Variants in STAM2 observed in about 807,000 individuals in gnomAD.
STAM2 encodes signal transducing adaptor molecule 2, also known as signal transducing adapter molecule 2.
In STAM2, 51 loss-of-function variants were observed where a neutral mutation model predicts 65.6. The observed-to-expected ratio is 0.78, with a 90% CI of 0.62 to 0.98. STAM2 has a LOEUF of 0.98. STAM2 is among the 50% of genes least tolerant of loss of function. The pLI is 0.00. For synonymous variants in STAM2, 198 were observed against 208.4 expected, an observed-to-expected ratio of 0.95 and a Z score of 0.43; for missense variants, 584 against 617.8, an observed-to-expected ratio of 0.95 and a Z score of 0.58.
At chr2:152,125,250 C>T (rs1365731786) in intron 12 of STAM2, among the ~76,000 whole-genome samples, 4 of 152,112 alleles carry the variant, frequency 2.6e-5, no homozygotes, top group African/African-American at 7.2e-5. Flanking sequence ...AAAATCTTTC[C>T]TACCCTCCTA....
At chr2:152,175,499 C>A in intron 1 of STAM2, 104 bp downstream of exon 1, 1 of 1,482,542 alleles carries the variant, frequency 6.7e-7, no homozygotes, top group Non-Finnish European at 9.3e-7. Flanking sequence ...CCTCCCTTCG[C>A]TTTGCTTCCT....
At chr2:152,169,769 T>C (rs976535271) in intron 1 of STAM2, among the ~76,000 whole-genome samples, 20 of 152,218 alleles carry the variant, frequency 1.3e-4, no homozygotes, top group Middle Eastern at 3.4e-3. Context: ...TGCTCAGCAT[T>C]AGTGAGGATG....
intron 8 of STAM2, 107 bp downstream of exon 8, chr2:152,135,401 AT>A (rs3835745): frequency 0.14 from 112,331 of 793,326 alleles, 14,213 homozygotes; most frequent in East Asian, 0.6. Flanking sequence ...TAAAGAAATG[AT>A]TTAAAACAAA....
At chr2:152,146,559 T>C (rs1689340760) in intron 5 of STAM2, among the ~76,000 whole-genome samples, 1 of 152,194 alleles carries the variant, frequency 6.6e-6, no homozygotes, top group South Asian at 2.1e-4. Flanking sequence ...ATCTTGTATG[T>C]GAAGCATTCA....
chr2:152,171,357 GA>G (rs1291901919), intron 1 of STAM2, among the ~76,000 whole-genome samples: 5 of 151,596 alleles, frequency 3.3e-5, no homozygotes, highest in South Asian at 4.2e-4. Context: ...AAATATATTA[GA>G]AAAAAAACTG....
At chr2:152,148,144 T>C in intron 3 of STAM2, 22 bp from the exon 4 acceptor site, 1 of 1,587,712 alleles carries the variant, frequency 6.3e-7, no homozygotes, top group South Asian at 1.2e-5. Flanking sequence ...AATAAAAATA[T>C]ATGAATATTG....
chr2:152,132,266 C>G, intron 10 of STAM2, 98 bp from the exon 11 acceptor site: 1 of 769,434 alleles, frequency 1.3e-6, no homozygotes, highest in South Asian at 1.7e-5. Flanking sequence ...CAACACTATG[C>G]ATAATACACA....
At chr2:152,151,787 C>T (rs557260673) in intron 1 of STAM2, among the ~76,000 whole-genome samples, 7 of 152,178 alleles carry the variant, frequency 4.6e-5, no homozygotes, top group Non-Finnish European at 8.8e-5. Context: ...TTCTGACTGG[C>T]TTCTGTTATT....
intron 11 of STAM2, among the ~76,000 whole-genome samples, chr2:152,130,191 A>G (rs1489677184): frequency 2.0e-5 from 3 of 152,200 alleles, no homozygotes; most frequent in Admixed American, 2.0e-4. Context: ...AGCAGAACCA[A>G]GTTAAAAGCT....
chr2:152,161,958 G>A (rs1338302817), intron 1 of STAM2, among the ~76,000 whole-genome samples: 1 of 152,128 alleles, frequency 6.6e-6, no homozygotes, highest in East Asian at 1.9e-4. Flanking sequence ...GAGTTGCTGG[G>A]ATTACAGGCA....
chr2:152,164,194 C>T (rs1689735844), intron 1 of STAM2, among the ~76,000 whole-genome samples: 3 of 152,156 alleles, frequency 2.0e-5, no homozygotes, highest in Non-Finnish European at 4.4e-5. Flanking sequence ...ATTTCTCAGA[C>T]TGGCCGACAC....
At chr2:152,139,992 G>A (rs561337431) in intron 7 of STAM2, among the ~76,000 whole-genome samples, 47 of 152,168 alleles carry the variant, frequency 3.1e-4, no homozygotes, top group Non-Finnish European at 6.0e-4. Context: ...CAAATATGAC[G>A]CCATTTTATA....
At position 152,118,925 on chromosome 2, in the gene STAM2, C is replaced by T. The variant is rs945431869; in HGVS notation, c.*1649G>A. 6.6e-6 allele frequency: 1 copy of T among 151,942 alleles called. No individual in the cohort carries two copies. Among genetic ancestry groups the T allele is most frequent in the African/African-American group, 2.4e-5 (1 of 41,376 alleles). 9.4% of individuals were successfully genotyped at this position (151,942 alleles called of 1,614,324 possible). A position where few individuals can be genotyped will look rare whatever the true frequency, so the allele number is the denominator to read the frequency against. ...AGCTTTCAAATACTGCTAATTTTTC[C>T]ACTTAAATGTAGATCAAGTACCATA... On this transcript the variant is annotated 3_prime_UTR_variant, in exon 14 of 14. Transcript: ENST00000263904.
chr2:152,140,029 G>C (rs895591494), intron 7 of STAM2, among the ~76,000 whole-genome samples: 1 of 152,072 alleles, frequency 6.6e-6, no homozygotes, highest in Admixed American at 6.5e-5. Flanking sequence ...GTGGATTTTG[G>C]TATCAACAGG....
At chr2:152,164,785 G>T (rs1689747067) in intron 1 of STAM2, among the ~76,000 whole-genome samples, 1 of 152,172 alleles carries the variant, frequency 6.6e-6, no homozygotes, top group Non-Finnish European at 1.5e-5. Context: ...GGAGTTGAGA[G>T]AATTGAGCAT....
chr2:152,130,168 T>G (rs911596616), intron 11 of STAM2, among the ~76,000 whole-genome samples: 1 of 152,200 alleles, frequency 6.6e-6, no homozygotes, highest in African/African-American at 2.4e-5. Flanking sequence ...GATAGAGAGC[T>G]GAGAAATAAG....
At chr2:152,138,169 C>T (rs1411509384) in intron 7 of STAM2, among the ~76,000 whole-genome samples, 3 of 152,196 alleles carry the variant, frequency 2.0e-5, no homozygotes, top group East Asian at 1.9e-4. Flanking sequence ...AAAAAGAAAT[C>T]TTTGCAATAT....
chr2:152,134,551 A>C (rs928324642), intron 8 of STAM2, among the ~76,000 whole-genome samples: 6 of 152,176 alleles, frequency 3.9e-5, no homozygotes, highest in African/African-American at 1.4e-4. Context: ...TAATGCTTTC[A>C]TTTGAAGTTC....
At chr2:152,124,177 G>A (rs1035228165) in intron 12 of STAM2, 1 of 451,526 alleles carries the variant, frequency 2.2e-6, no homozygotes. Flanking sequence ...AGAAAGACAG[G>A]TGGTGTACTT....
Sources: allele counts gnomAD v4.1 joint callset (sites outside exome capture counted in the v4.1 genomes callset), GRCh38; gene constraint gnomAD v4.1.1; transcripts MANE v1.5; gene names NCBI Gene and HGNC (gene_info 2026-07-23, HGNC 2026-07-21).